Variants in CXXC5 observed in about 807,000 individuals in gnomAD.
CXXC5 encodes the protein CXXC-type zinc finger protein 5.
A neutral mutation model predicts 17.6 loss-of-function variants in CXXC5; 2 were observed. That is an observed-to-expected ratio of 0.11 (90% CI 0.05 to 0.36). The LOEUF (loss-of-function observed/expected upper bound fraction) is 0.36. Ranked by LOEUF, CXXC5 falls within the 10% of genes least tolerant of loss-of-function variation. The pLI, the probability that CXXC5 is intolerant of heterozygous loss-of-function variation, is 1.00. For missense variants in CXXC5, 343 were observed against 458.3 expected (o/e 0.75, Z 2.30); for synonymous variants, 171 against 193.0 (o/e 0.89, Z 0.94).
In CXXC5 at chr5:139,658,918, G is replaced by A. The variant is rs1280329725; in HGVS notation, c.-161+10073G>A. Among the ~76,000 whole-genome samples, 1 of 152,254 alleles carries A rather than the reference G, an allele frequency of 6.6e-6. No individual in the cohort carries two copies. The highest frequency in any genetic ancestry group is 1.5e-5 in the Non-Finnish European group (1 of 68,046). On this transcript the variant is annotated intron_variant, in intron 1 of 2. Transcript: ENST00000302517. This position sits in a 1 kb window ranked among gnomAD's most constrained non-coding sequence, Gnocchi z 4.1. ...GCTGGGCGTTTGAACCCAGAACACT[G>A]AGAGATTCTGTTTGGAGTCATCCTA...
chr5:139,671,602 C>A (rs1220056272), intron 1 of CXXC5, among the ~76,000 whole-genome samples: 3 of 152,246 alleles, frequency 2.0e-5, no homozygotes, highest in Admixed American at 2.0e-4. Context: ...CGGTTTCCGT[C>A]CCGTTCTGCT....
At chr5:139,673,204 G>A (rs924291328) in intron 1 of CXXC5, among the ~76,000 whole-genome samples, 8 of 152,164 alleles carry the variant, frequency 5.3e-5, no homozygotes, top group African/African-American at 1.9e-4. Flanking sequence ...TTGGGTATGA[G>A]GATAACATGA....
intron 1 of CXXC5, among the ~76,000 whole-genome samples, chr5:139,659,805 G>A (rs938342884): frequency 2.6e-5 from 4 of 152,142 alleles, no homozygotes; most frequent in Non-Finnish European, 5.9e-5. Flanking sequence ...CTTCTGCATT[G>A]AGGCTGGTCC....
At chr5:139,679,847 A>G (rs1243335460) in intron 1 of CXXC5, 1 of 152,376 alleles carries the variant, frequency 6.6e-6, no homozygotes, top group African/African-American at 2.4e-5. Flanking sequence ...TTTTTTGCAG[A>G]GATAGAGTTT....
intron 1 of CXXC5, chr5:139,651,040 G>C (rs1755145141): frequency 6.6e-6 from 1 of 152,248 alleles, no homozygotes; most frequent in Non-Finnish European, 1.5e-5. Context: ...TGGCCTCCGA[G>C]TTCCCAGCCA....
chr5:139,683,415 G>A lies in CXXC5; in HGVS notation c.*508G>A, dbSNP rs915104205. The A allele has an allele frequency of 1.1e-4, 17 of 152,432 alleles. No individual in the cohort carries two copies. Among genetic ancestry groups the A allele is most frequent in the African/African-American group, 2.9e-4 (12 of 41,426 alleles). The allele number at this position is 152,432 out of a possible 1,614,324, so 9.4% of individuals were successfully genotyped here. A position where few individuals can be genotyped will look rare whatever the true frequency, so the allele number is the denominator to read the frequency against. ...TAGTTTGCCTGGAGAATCCACTCAC[G>A]TTCATAAAGAGAATGTTGATGGCGC... is the stretch of plus-strand genomic sequence containing the variant. On this transcript the variant is annotated 3_prime_UTR_variant, in exon 3 of 3. Coordinates refer to ENST00000302517, the MANE Select transcript of CXXC5 (RefSeq NM_016463.9).
chr5:139,659,184 G>C (rs548666241), intron 1 of CXXC5, among the ~76,000 whole-genome samples: 1 of 152,292 alleles, frequency 6.6e-6, no homozygotes, highest in Non-Finnish European at 1.5e-5. Flanking sequence ...GTGGCAGATC[G>C]GCTGGGAGGG....
rs533361731 is a variant in CXXC5, at chr5:139,675,461, C to T, written c.-160-4903C>T. The T allele has an allele frequency of 1.4e-4, 22 of 152,316 alleles. No individual in the cohort carries two copies. In the East Asian group the frequency reaches 4.2e-3, roughly 29 times the overall value. The allele number at this position is 152,316 out of a possible 1,614,324, so 9.4% of individuals were successfully genotyped here. A position where few individuals can be genotyped will look rare whatever the true frequency, so the allele number is the denominator to read the frequency against. On this transcript the variant is annotated intron_variant, in intron 1 of 2. Transcript: ENST00000302517. ...GCTTAGCATTCCAGGCCCTGGGCAT[C>T]TCCAAGTGCCCCAGGTGGGGGCACT...
intron 1 of CXXC5, among the ~76,000 whole-genome samples, chr5:139,665,260 T>C (rs898212400): frequency 5.3e-5 from 8 of 152,252 alleles, no homozygotes; most frequent in African/African-American, 9.6e-5. Context: ...TTTGGGAAAT[T>C]AGAACGCCGC....
intron 1 of CXXC5, among the ~76,000 whole-genome samples, chr5:139,678,938 C>T (rs186116537): frequency 2.2e-4 from 33 of 152,336 alleles, no homozygotes; most frequent in African/African-American, 7.9e-4. Context: ...ATGAGGAAAC[C>T]GCCGCCTTGC....
At position 139,674,437 on chromosome 5, in the gene CXXC5, G is replaced by A. The variant is rs143622079; in HGVS notation, c.-160-5927G>A. Among the ~76,000 whole-genome samples, 777 of 152,286 alleles carry A rather than the reference G, an allele frequency of 5.1e-3. 3 individuals carry two copies. The highest frequency in any genetic ancestry group is 0.02 in the Middle Eastern group (6 of 294). On this transcript the variant is annotated intron_variant, in intron 1 of 2. Coordinates refer to ENST00000302517, the MANE Select transcript of CXXC5 (RefSeq NM_016463.9). ...GGGATGTCAAGTGCTGCATGGAAGCGTGGAAAGTGGTGCATTGAGCCAGGG... is the reference window on the plus strand; with the variant it reads ...GGGATGTCAAGTGCTGCATGGAAGCATGGAAAGTGGTGCATTGAGCCAGGG...
intron 1 of CXXC5, among the ~76,000 whole-genome samples, chr5:139,657,954 C>T (rs1269925367): frequency 1.4e-5 from 2 of 147,846 alleles, no homozygotes. Flanking sequence ...CACTCTGGTG[C>T]GGGCTGACTT....
Position 139,680,412 on chromosome 5 carries a change from A to G in CXXC5, c.-112A>G. On this transcript the variant is annotated 5_prime_UTR_variant, in exon 2 of 3. Transcript: ENST00000302517. ...ACCTGACCATGTGCCTGCCCTGAGCAGCGAGGCCCACCAGGCATCTCTGTT... is the reference window on the plus strand; with the variant it reads ...ACCTGACCATGTGCCTGCCCTGAGCGGCGAGGCCCACCAGGCATCTCTGTT... The G allele has an allele frequency of 7.1e-7, 1 of 1,412,762 alleles. No individual in the cohort carries two copies. Among genetic ancestry groups the G allele is most frequent in the Non-Finnish European group, 9.3e-7 (1 of 1,071,986 alleles). 87.5% of individuals were successfully genotyped at this position (1,412,762 alleles called of 1,614,324 possible). A position where few individuals can be genotyped will look rare whatever the true frequency, so the allele number is the denominator to read the frequency against.
At chr5:139,677,591 C>A (rs565930970) in intron 1 of CXXC5, among the ~76,000 whole-genome samples, 7 of 152,168 alleles carry the variant, frequency 4.6e-5, no homozygotes. Context: ...CTCCGTGTAC[C>A]CACCTCCCTT....
chr5:139,670,595 T>A lies in CXXC5; in HGVS notation c.-160-9769T>A, dbSNP rs1402254505. ...CATGCGGACATACACACACTGGCAT[T>A]CATGCGGCAAAGATGTGTTGACACG... On this transcript the variant is annotated intron_variant, in intron 1 of 2. Coordinates refer to ENST00000302517, the MANE Select transcript of CXXC5 (RefSeq NM_016463.9). This position sits in a 1 kb window ranked among gnomAD's most constrained non-coding sequence, Gnocchi z 4.2. Among the ~76,000 whole-genome samples, 2 of 152,192 alleles carry A rather than the reference T, an allele frequency of 1.3e-5. No individual in the cohort carries two copies. The highest frequency in any genetic ancestry group is 3.8e-4 in the East Asian group (2 of 5,196).
intron 1 of CXXC5, among the ~76,000 whole-genome samples, chr5:139,678,081 C>T (rs1417944007): frequency 6.6e-6 from 1 of 152,272 alleles, no homozygotes; most frequent in Admixed American, 6.5e-5. Flanking sequence ...CCACAAGACA[C>T]CTGCCTTCTG....
chr5:139,681,322 G>C lies in CXXC5; in HGVS notation c.799G>C (p.Ala267Pro). 1 of 1,612,632 alleles carries C rather than the reference G, an allele frequency of 6.2e-7. No homozygotes were observed. The highest frequency in any genetic ancestry group is 8.5e-7 in the Non-Finnish European group (1 of 1,179,796). ...KKKRKRCGMC[A>P]PCRRRINCEQ... ...GAAGCGGAAACGCTGCGGCATGTGCGCGCCCTGCCGGCGGCGCATCAACTG... is the reference window on the plus strand; with the variant it reads ...GAAGCGGAAACGCTGCGGCATGTGCCCGCCCTGCCGGCGGCGCATCAACTG... The change falls in exon 2 of 3, where the codon GCG becomes CCG. Residue 267 changes from alanine to proline, a missense_variant. Around this residue, in one of 4 missense-constraint regions of CXXC5, gnomAD observed 21 missense variants for 41.0 expected, o/e 0.51. Transcript: ENST00000302517.
At chr5:139,657,062 G>A (rs1287197233) in intron 1 of CXXC5, among the ~76,000 whole-genome samples, 3 of 152,202 alleles carry the variant, frequency 2.0e-5, no homozygotes, top group Admixed American at 2.0e-4. Flanking sequence ...CAAAGCCAGT[G>A]GTAATGGGTA....
intron 2 of CXXC5, among the ~76,000 whole-genome samples, chr5:139,682,369 C>T (rs1581638869): frequency 7.0e-6 from 1 of 143,306 alleles, no homozygotes; most frequent in African/African-American, 2.7e-5. Flanking sequence ...TCCATTTCTG[C>T]TCTCCTATGT....
Sources: gnomAD v4.1 joint callset for allele counts (sites outside exome capture counted in the v4.1 genomes callset) on GRCh38, gnomAD v4.1.1 for gene constraint, gnomAD v4.1.1 regional missense constraint, Gnocchi (gnomAD v3.1) non-coding constraint, MANE v1.5 for transcripts, NCBI Gene and HGNC (gene_info 2026-07-23, HGNC 2026-07-21) for gene names.